SHANK2: variants seen among roughly 807,000 people sequenced by gnomAD.
The protein encoded by SHANK2 is SH3 and multiple ankyrin repeat domains 2.
A neutral mutation model predicts 133.7 loss-of-function variants in SHANK2; 43 were observed. The observed-to-expected ratio is 0.32, with a 90% CI of 0.25 to 0.41. The LOEUF is 0.41. SHANK2 is among the 10% of genes least tolerant of loss of function. SHANK2 has a pLI of 1.00. For synonymous variants in SHANK2, 1,017 were observed against 952.8 expected, an observed-to-expected ratio of 1.07 and a Z score of -1.24; for missense variants, 1,994 against 2,235.8, an observed-to-expected ratio of 0.89 and a Z score of 2.18.
At chr11:71,178,471 A>G (rs1445197756) in intron 2 of SHANK2, among the ~76,000 whole-genome samples, 1 of 152,212 alleles carries the variant, frequency 6.6e-6, no homozygotes, top group African/African-American at 2.4e-5. Flanking sequence ...AGATTTTGTG[A>G]AAAATGACAA....
intron 17 of SHANK2, among the ~76,000 whole-genome samples, chr11:70,574,498 C>A (rs2060090946): frequency 6.6e-6 from 1 of 152,226 alleles, no homozygotes; most frequent in South Asian, 2.1e-4. Flanking sequence ...TTCTTTCACT[C>A]ATTCATCTGA....
rs923808874 is a variant in SHANK2 at position 70,500,222 on chromosome 11, C to T, written c.2308+348G>A. ...CAGTTCCTGCCCACCACAAAGGGGT[C>T]CTGAGGGTCAGGAATGCAGCCAGAG... On this transcript the variant is annotated intron_variant, in intron 21 of 25. Coordinates refer to ENST00000601538, the MANE Select transcript of SHANK2 (RefSeq NM_012309.5). This position sits in a 1 kb window ranked among gnomAD's most constrained non-coding sequence, Gnocchi z 4.5. Among the ~76,000 whole-genome samples, 3 of 152,126 alleles carry T rather than the reference C, an allele frequency of 2.0e-5. No homozygotes were observed. Among genetic ancestry groups the T allele is most frequent in the Non-Finnish European group, 4.4e-5 (3 of 68,028 alleles).
At chr11:70,540,535 C>G (rs909082992) in intron 17 of SHANK2, among the ~76,000 whole-genome samples, 2 of 137,304 alleles carry the variant, frequency 1.5e-5, no homozygotes, top group Non-Finnish European at 3.1e-5. Flanking sequence ...TACCCATGGC[C>G]GCAGCTTCAC....
rs1565166461 is a variant in SHANK2, at chr11:70,599,919, G to GAGAAAGAAAT, written c.2061+59908_2061+59909insATTTCTTTCT. Among the ~76,000 whole-genome samples the GAGAAAGAAAT allele has an allele frequency of 3.9e-4, 23 of 59,170 alleles. 1 individual carries two copies. Among genetic ancestry groups the GAGAAAGAAAT allele is most frequent in the Non-Finnish European group, 6.6e-4 (19 of 28,632 alleles). The allele number at this position is 59,170 out of a possible 152,430, so 38.8% of individuals were successfully genotyped here. On this transcript the variant is annotated intron_variant, in intron 17 of 25. Transcript: ENST00000601538. ...AAAGAAAGAAAGAGAAAGAAAGAAA[G>GAGAAAGAAAT]AAAGAAAGAAAGAAAGAAAGAAAGA...
At chr11:70,853,343 G>A (rs1350947067) in intron 11 of SHANK2, among the ~76,000 whole-genome samples, 1 of 152,220 alleles carries the variant, frequency 6.6e-6, no homozygotes, top group Non-Finnish European at 1.5e-5. Context: ...TCCAAGTGCG[G>A]GAGAGGGTGT....
At chr11:70,679,540 A>G (rs1179806172) in intron 15 of SHANK2, among the ~76,000 whole-genome samples, 1 of 152,186 alleles carries the variant, frequency 6.6e-6, no homozygotes, top group African/African-American at 2.4e-5. Flanking sequence ...CTGTCTCCCC[A>G]TGACCAGTAC....
intron 17 of SHANK2, among the ~76,000 whole-genome samples, chr11:70,512,265 A>G (rs1290231519): frequency 2.0e-5 from 3 of 152,228 alleles, no homozygotes; most frequent in Non-Finnish European, 2.9e-5. Context: ...GTTTCCAGAT[A>G]CTGCCAAATG....
chr11:70,561,085 T>C (rs1554980780), intron 17 of SHANK2, among the ~76,000 whole-genome samples: 1 of 152,228 alleles, frequency 6.6e-6, no homozygotes. Flanking sequence ...ATCTGCAGGA[T>C]TCTTCCTCTC....
chr11:71,232,852 T>C (rs1347527785), intron 1 of SHANK2, among the ~76,000 whole-genome samples: 1 of 151,930 alleles, frequency 6.6e-6, no homozygotes, highest in Non-Finnish European at 1.5e-5. Flanking sequence ...TGTGTGGGAG[T>C]TGGAACCCAA....
At chr11:71,181,868 G>A (rs541976288) in intron 2 of SHANK2, among the ~76,000 whole-genome samples, 3 of 151,762 alleles carry the variant, frequency 2.0e-5, no homozygotes, top group Non-Finnish European at 4.4e-5. Flanking sequence ...GAATCTCCAG[G>A]GGAACAAGTG....
At chr11:71,105,070 A>G (rs1409872765) in intron 6 of SHANK2, among the ~76,000 whole-genome samples, 1 of 152,258 alleles carries the variant, frequency 6.6e-6, no homozygotes, top group African/African-American at 2.4e-5. Flanking sequence ...AAAAGCTGGA[A>G]GCAGCCCAGA....
At chr11:70,805,153 A>G (rs1213339854) in intron 13 of SHANK2, among the ~76,000 whole-genome samples, 2 of 152,138 alleles carry the variant, frequency 1.3e-5, no homozygotes, top group East Asian at 3.9e-4. Flanking sequence ...GCTGCCCTAC[A>G]GGAACTGCCA....
intron 11 of SHANK2, among the ~76,000 whole-genome samples, chr11:70,847,466 A>T (rs541548984): frequency 1.7e-4 from 26 of 152,294 alleles, no homozygotes; most frequent in Admixed American, 1.6e-3. Flanking sequence ...TGTCAGCGTT[A>T]AAAATAGGGG....
intron 12 of SHANK2, among the ~76,000 whole-genome samples, chr11:70,808,568 A>AAG (rs1424716593): frequency 6.7e-6 from 1 of 148,672 alleles, no homozygotes; most frequent in East Asian, 2.0e-4. Context: ...CTACAAAAAA[A>AAG]AAAAAAAAAA....
chr11:70,711,296 A>G (rs111998756), intron 14 of SHANK2, among the ~76,000 whole-genome samples: 8,750 of 152,158 alleles, frequency 0.058, 841 homozygotes, highest in African/African-American at 0.2. Context: ...TGGGCTGTCC[A>G]GCTCCGAATC....
chr11:70,724,412 G>A (rs1002261650), intron 14 of SHANK2, among the ~76,000 whole-genome samples: 1 of 152,146 alleles, frequency 6.6e-6, no homozygotes, highest in Non-Finnish European at 1.5e-5. Context: ...GGTGGGGTGT[G>A]TGTGTATGCA....
chr11:70,598,321 C>T (rs75724517), intron 17 of SHANK2, among the ~76,000 whole-genome samples: 4,596 of 152,192 alleles, frequency 0.03, 104 homozygotes, highest in Non-Finnish European at 0.052. Context: ...GGCAGGGAGC[C>T]CTTGACTATC....
In SHANK2 at chr11:70,837,490, G is replaced by A. The variant is rs1948837607; in HGVS notation, c.1175-16808C>T. Among the ~76,000 whole-genome samples the A allele has an allele frequency of 4.6e-5, 7 of 152,174 alleles. No homozygotes were observed. In the South Asian group the frequency reaches 1.4e-3, roughly 31 times the overall value. ...TTCCTTCACCATCCTGTCCAAGAGGGTTACTCTCTTAATCTCTATGCTAGC... is the reference window on the plus strand; with the variant it reads ...TTCCTTCACCATCCTGTCCAAGAGGATTACTCTCTTAATCTCTATGCTAGC... On this transcript the variant is annotated intron_variant, in intron 11 of 25. Transcript: ENST00000601538.
intron 2 of SHANK2, among the ~76,000 whole-genome samples, chr11:71,168,044 C>T (rs1358328350): frequency 1.1e-4 from 16 of 141,686 alleles, no homozygotes; most frequent in Admixed American, 1.1e-3. Context: ...GGCTGCCAGG[C>T]GGAGGGGCTC....
Sources: allele counts gnomAD v4.1 joint callset (sites outside exome capture counted in the v4.1 genomes callset), GRCh38; gene constraint gnomAD v4.1.1; non-coding constraint Gnocchi (gnomAD v3.1); transcripts MANE v1.5; gene names NCBI Gene and HGNC (gene_info 2026-07-23, HGNC 2026-07-21).